RAB11FIP4: variants seen among roughly 807,000 people sequenced by gnomAD.
RAB11FIP4 encodes rab11 family-interacting protein 4.
Under a neutral mutation model 74.3 loss-of-function variants are expected in RAB11FIP4, and 23 were observed. The observed-to-expected ratio is 0.31, with a 90% CI of 0.22 to 0.44. RAB11FIP4 has a LOEUF of 0.44. Among genes scored for constraint, RAB11FIP4 ranks in the 20% least tolerant of loss-of-function variants. RAB11FIP4 has a pLI of 1.00. For missense variants in RAB11FIP4, 630 were observed against 863.9 expected, an observed-to-expected ratio of 0.73 and a Z score of 3.39; for synonymous variants, 360 against 359.9, an observed-to-expected ratio of 1.00 and a Z score of 0.00.
chr17:31,489,169 C>T (rs577963611), intron 3 of RAB11FIP4, among the ~76,000 whole-genome samples: 2 of 152,344 alleles, frequency 1.3e-5, no homozygotes, highest in South Asian at 4.1e-4. Flanking sequence ...GGAGTGGCAG[C>T]ACCCTGGGCT....
chr17:31,450,115 C>T (rs1164839805), intron 3 of RAB11FIP4, among the ~76,000 whole-genome samples: 1 of 152,054 alleles, frequency 6.6e-6, no homozygotes, highest in Non-Finnish European at 1.5e-5. Context: ...AACTGTAACT[C>T]TGTACTTTTA....
intron 3 of RAB11FIP4, among the ~76,000 whole-genome samples, chr17:31,452,792 G>A (rs2071538428): frequency 6.6e-6 from 1 of 152,246 alleles, no homozygotes; most frequent in Admixed American, 6.5e-5. Context: ...TACTGTGACA[G>A]ACAAGACGGA....
At chr17:31,441,719 G>A (rs1268644018) in intron 3 of RAB11FIP4, among the ~76,000 whole-genome samples, 1 of 151,656 alleles carries the variant, frequency 6.6e-6, no homozygotes, top group Admixed American at 6.6e-5. Flanking sequence ...GTAGAGACGG[G>A]GTTTCACTAT....
At chr17:31,437,902 A>G (rs963904278) in intron 3 of RAB11FIP4, among the ~76,000 whole-genome samples, 10 of 152,046 alleles carry the variant, frequency 6.6e-5, no homozygotes, top group African/African-American at 1.2e-4. Flanking sequence ...GCCTGGATGC[A>G]CCAGTTCCTG....
intron 3 of RAB11FIP4, among the ~76,000 whole-genome samples, chr17:31,459,601 G>A (rs2071615335): frequency 6.6e-6 from 1 of 152,134 alleles, no homozygotes; most frequent in South Asian, 2.1e-4. Flanking sequence ...CGCCTGATGG[G>A]TTAACTCAGG....
At position 31,391,993 on chromosome 17, in the gene RAB11FIP4, C is replaced by A. The variant is rs2070876162; in HGVS notation, c.141C>A (p.Arg47=). ...RVERVAALGL[R]FGQGEEVEKL... is the part of the protein sequence containing the mutation. ...AGCGCGTCGCGGCGCTCGGACTGCG[C>A]TTCGGCCAGGGCGAGGAGGTAAGCT... Residue 47 remains arginine (R), a synonymous_variant, in exon 1 of 15, where the codon CGC becomes CGA. Transcript: ENST00000621161. The A allele has an allele frequency of 7.5e-7, 1 of 1,341,922 alleles. No individual in the cohort carries two copies. The highest frequency in any genetic ancestry group is 9.6e-7 in the Non-Finnish European group (1 of 1,045,912). 83.1% of individuals were successfully genotyped at this position (1,341,922 alleles called of 1,614,324 possible).
intron 3 of RAB11FIP4, among the ~76,000 whole-genome samples, chr17:31,510,460 C>G (rs968767108): frequency 6.6e-6 from 1 of 152,232 alleles, no homozygotes; most frequent in Non-Finnish European, 1.5e-5. Flanking sequence ...GCTATTTTTA[C>G]CCTGCCTTGT....
In RAB11FIP4 at chr17:31,534,373, T is replaced by C. The variant is rs1160809641; in HGVS notation, c.*2641T>C. On this transcript the variant is annotated 3_prime_UTR_variant, in exon 15 of 15. Coordinates refer to ENST00000621161, the MANE Select transcript of RAB11FIP4 (RefSeq NM_032932.6). Reference sequence around the variant, plus strand: ...ACCTTGAACTCCCAGGCTCAAGCGATCCTCCCGCCTTAACTGCCTGAGTAG... The same window carrying C: ...ACCTTGAACTCCCAGGCTCAAGCGACCCTCCCGCCTTAACTGCCTGAGTAG... 2 of 152,124 alleles carry C rather than the reference T, an allele frequency of 1.3e-5. No homozygotes were observed. The highest frequency in any genetic ancestry group is 6.5e-5 in the Admixed American group (1 of 15,272). 9.4% of individuals were successfully genotyped at this position (152,124 alleles called of 1,614,324 possible).
chr17:31,401,539 C>T (rs1226067620), intron 1 of RAB11FIP4, among the ~76,000 whole-genome samples: 2 of 152,230 alleles, frequency 1.3e-5, no homozygotes, highest in Non-Finnish European at 2.9e-5. Context: ...CTGTAAGGAC[C>T]TCTGGCTTCC....
chr17:31,433,986 G>T (rs1173780197), intron 2 of RAB11FIP4, 48 bp from the exon 3 acceptor site: 1 of 1,521,968 alleles, frequency 6.6e-7, no homozygotes, highest in Non-Finnish European at 8.9e-7. Context: ...GCCGTCCCAG[G>T]CTGAGGCTCA....
Position 31,459,018 on chromosome 17 carries a change from G to A in RAB11FIP4, c.336+24896G>A, listed in dbSNP as rs1042829794. ...TATCACTGTAGTCTATGGAAATTGT[G>A]CAGTACCCAACCTGTGCAGCTGAAC... On this transcript the variant is annotated intron_variant, in intron 3 of 14. Coordinates refer to ENST00000621161, the MANE Select transcript of RAB11FIP4 (RefSeq NM_032932.6). Among the ~76,000 whole-genome samples the A allele has an allele frequency of 3.3e-5, 5 of 152,284 alleles. No individual in the cohort carries two copies. The South Asian group carries it at 1.0e-3, about 32-fold the overall frequency.
At chr17:31,481,852 C>T (rs780561727) in intron 3 of RAB11FIP4, among the ~76,000 whole-genome samples, 9 of 152,172 alleles carry the variant, frequency 5.9e-5, no homozygotes, top group Non-Finnish European at 1.2e-4. Context: ...TCTGAAGACT[C>T]AACCTGGGCT....
chr17:31,521,504 G>C, intron 5 of RAB11FIP4, 144 bp downstream of exon 5: 2 of 751,714 alleles, frequency 2.7e-6, no homozygotes, highest in Non-Finnish European at 4.2e-6. Flanking sequence ...TGGGGCTTGG[G>C]GTTGCTACCT....
chr17:31,437,185 C>T (rs185411559), intron 3 of RAB11FIP4, among the ~76,000 whole-genome samples: 15 of 152,252 alleles, frequency 9.9e-5, no homozygotes, highest in African/African-American at 3.4e-4. Context: ...TCATTATGCT[C>T]GCTGGGGCTG....
At chr17:31,514,482 C>G (rs1191984563) in intron 3 of RAB11FIP4, among the ~76,000 whole-genome samples, 1 of 88,890 alleles carries the variant, frequency 1.1e-5, no homozygotes, top group Non-Finnish European at 2.2e-5. Flanking sequence ...ATGTCCGGAC[C>G]CGGCTGTAAA....
chr17:31,458,738 G>T (rs148511210), intron 3 of RAB11FIP4, among the ~76,000 whole-genome samples: 2 of 152,206 alleles, frequency 1.3e-5, no homozygotes, highest in African/African-American at 4.8e-5. Flanking sequence ...AACCCTTCAT[G>T]CACCAGCATC....
At chr17:31,459,648 T>G (rs1372637520) in intron 3 of RAB11FIP4, among the ~76,000 whole-genome samples, 1 of 152,024 alleles carries the variant, frequency 6.6e-6, no homozygotes, top group African/African-American at 2.4e-5. Flanking sequence ...ACTCCTGGGC[T>G]TTTGCCCATG....
rs574545916 is a variant in RAB11FIP4, at chr17:31,457,701, A to G, written c.336+23579A>G. 6.0e-5 allele frequency among the ~76,000 whole-genome samples: 8 copies of G among 133,352 alleles called. 1 individual carries two copies. Among genetic ancestry groups the G allele is most frequent in the Non-Finnish European group, 1.3e-4 (8 of 62,266 alleles). 87.5% of individuals were successfully genotyped at this position (133,352 alleles called of 152,430 possible). On this transcript the variant is annotated intron_variant, in intron 3 of 14. Coordinates refer to ENST00000621161, the MANE Select transcript of RAB11FIP4 (RefSeq NM_032932.6). ...CCTGACCCCCACCACCCTCACCCCC[A>G]GCCCCGCAGGTGGCCACACCCCTCC...
intron 3 of RAB11FIP4, among the ~76,000 whole-genome samples, chr17:31,509,813 G>A (rs752974751): frequency 2.1e-4 from 32 of 152,238 alleles, no homozygotes; most frequent in Admixed American, 7.2e-4. Flanking sequence ...GGGGTGAGCC[G>A]AGGCCTCATG....
Sources: allele counts gnomAD v4.1 joint callset (sites outside exome capture counted in the v4.1 genomes callset), GRCh38; gene constraint gnomAD v4.1.1; transcripts MANE v1.5; gene names NCBI Gene and HGNC (gene_info 2026-07-23, HGNC 2026-07-21).